The following SMAD4 variants were observed in gnomAD, a reference collection of about 807,000 sequenced individuals.
SMAD4 encodes the protein SMAD family member 4, also known as MAD homolog 4.
A neutral mutation model predicts 63.2 loss-of-function variants in SMAD4; 7 were observed. That is an observed-to-expected ratio of 0.11 (90% CI 0.06 to 0.21). The LOEUF (loss-of-function observed/expected upper bound fraction) is 0.21. Ranked by LOEUF, SMAD4 falls within the 10% of genes least tolerant of loss-of-function variation. SMAD4 has a pLI of 1.00. For missense variants in SMAD4, 312 were observed against 693.8 expected, an observed-to-expected ratio of 0.45 and a Z score of 6.18; for synonymous variants, 215 against 235.4, an observed-to-expected ratio of 0.91 and a Z score of 0.79.
chr18:51,034,879 C>T (rs2144376512), intron 1 of SMAD4, among the ~76,000 whole-genome samples: 1 of 152,272 alleles, frequency 6.6e-6, no homozygotes, highest in Admixed American at 6.5e-5. Flanking sequence ...CTTTTAGATC[C>T]CTTGAGGAGC....
chr18:51,061,179 G>GT (rs1199913380), intron 8 of SMAD4, among the ~76,000 whole-genome samples: 18 of 152,230 alleles, frequency 1.2e-4, no homozygotes, highest in African/African-American at 4.3e-4. Flanking sequence ...GGAAGATGGG[G>GT]TATACATCCC....
rs75584400 is a variant in SMAD4 at position 51,059,374 on chromosome 18, G to T, written c.905-492G>T. On this transcript the variant is annotated intron_variant, in intron 7 of 11. Coordinates refer to ENST00000342988, the MANE Select transcript of SMAD4 (RefSeq NM_005359.6). ...ATAATAGTAGTATCTACCTCAAGGG[G>T]TGTTCGTAAGAAGTAAACGTAATAA... 1.6e-3 allele frequency among the ~76,000 whole-genome samples: 248 copies of T among 152,308 alleles called. 8 individuals carry two copies. In the East Asian group the frequency reaches 0.043, roughly 26 times the overall value.
At chr18:51,066,679 A>C (rs529014800) in intron 9 of SMAD4, 48 of 233,856 alleles carry the variant, frequency 2.1e-4, no homozygotes, top group African/African-American at 1.1e-3. Context: ...AATTTAATTT[A>C]AATAGTCACA....
In SMAD4 at chr18:51,083,557, T is replaced by A. The variant is rs1910662856; in HGVS notation, c.*5090T>A. ...GTGGATACTTTTCACACCGTTTATT[T>A]AAATGCTTTCTCAATAGGTCCAGAG... On this transcript the variant is annotated 3_prime_UTR_variant, in exon 12 of 12. Coordinates refer to ENST00000342988, the MANE Select transcript of SMAD4 (RefSeq NM_005359.6). 2 of 228,718 alleles carry A rather than the reference T, an allele frequency of 8.7e-6. No individual in the cohort carries two copies. The highest frequency in any genetic ancestry group is 4.4e-5 in the African/African-American group (2 of 45,228). 14.2% of individuals were successfully genotyped at this position (228,718 alleles called of 1,614,324 possible).
At chr18:51,062,153 T>C (rs192873202) in intron 8 of SMAD4, among the ~76,000 whole-genome samples, 1 of 152,220 alleles carries the variant, frequency 6.6e-6, no homozygotes, top group Non-Finnish European at 1.5e-5. Context: ...TTTAACGATA[T>C]ATATTTATTA....
At position 51,059,798 on chromosome 18, in the gene SMAD4, T is replaced by C. The variant is rs573450849; in HGVS notation, c.905-68T>C. On this transcript the variant is annotated intron_variant, in intron 7 of 11. Transcript: ENST00000342988. ...ATAATAGTTATATTTAAGTAAGATTTACTGAAAGTTTTAGCATTAGACAAC... is the reference window on the plus strand; with the variant it reads ...ATAATAGTTATATTTAAGTAAGATTCACTGAAAGTTTTAGCATTAGACAAC... The C allele has an allele frequency of 3.9e-5, 44 of 1,142,440 alleles. No homozygotes were observed. The East Asian group carries it at 1.0e-3, about 26-fold the overall frequency. 70.8% of individuals were successfully genotyped at this position (1,142,440 alleles called of 1,614,324 possible).
At chr18:51,065,118 G>C (rs895870614) in intron 8 of SMAD4, among the ~76,000 whole-genome samples, 3 of 151,900 alleles carry the variant, frequency 2.0e-5, no homozygotes, top group African/African-American at 7.3e-5. Context: ...GTCCTTTGAG[G>C]TAAGAACCAA....
At chr18:51,055,113 T>G in intron 5 of SMAD4, 120 bp downstream of exon 5, 1 of 779,034 alleles carries the variant, frequency 1.3e-6, no homozygotes. Flanking sequence ...TGTAGTATCT[T>G]TCATAGGTAA....
At chr18:51,035,698 C>T (rs1483301372) in intron 1 of SMAD4, among the ~76,000 whole-genome samples, 1 of 152,164 alleles carries the variant, frequency 6.6e-6, no homozygotes, top group African/African-American at 2.4e-5. Flanking sequence ...GACATTTGCT[C>T]AGCTAGGCCA....
rs1910535561 is a variant in SMAD4, at chr18:51,078,746, G to T, written c.*279G>T. On this transcript the variant is annotated 3_prime_UTR_variant, in exon 12 of 12. Coordinates refer to ENST00000342988, the MANE Select transcript of SMAD4 (RefSeq NM_005359.6). The stretch of plus-strand genomic sequence containing the variant: ...TGTTATGTATGAAGGAATCATTCCA[G>T]TGCTAGAAAATTTAGCCCTTTAAAA... 7.2e-6 allele frequency: 3 copies of T among 413,932 alleles called. No homozygotes were observed. Among genetic ancestry groups the T allele is most frequent in the Non-Finnish European group, 1.3e-5 (3 of 230,278 alleles). The allele number at this position is 413,932 out of a possible 1,614,324, so 25.6% of individuals were successfully genotyped here.
At chr18:51,031,919 C>A (rs1043709179) in intron 1 of SMAD4, among the ~76,000 whole-genome samples, 3 of 151,948 alleles carry the variant, frequency 2.0e-5, no homozygotes, top group Admixed American at 2.0e-4. Flanking sequence ...CTTACTCTCT[C>A]TATATTGGAA....
intron 1 of SMAD4, among the ~76,000 whole-genome samples, chr18:51,034,788 G>A (rs900959309): frequency 6.0e-5 from 9 of 149,280 alleles, no homozygotes; most frequent in Non-Finnish European, 1.0e-4. Context: ...TCAAGTGATC[G>A]TCCCACCTCG....
intron 10 of SMAD4, among the ~76,000 whole-genome samples, chr18:51,068,670 G>A (rs1274757357): frequency 6.6e-6 from 1 of 152,154 alleles, no homozygotes; most frequent in Non-Finnish European, 1.5e-5. Context: ...TGTAATCTTA[G>A]CACTTTCGGA....
chr18:51,062,854 T>G (rs1362997191), intron 8 of SMAD4, among the ~76,000 whole-genome samples: 1 of 122,304 alleles, frequency 8.2e-6, no homozygotes, highest in African/African-American at 3.2e-5. Flanking sequence ...TTTACTTGTT[T>G]TTTTTTTTTT....
intron 8 of SMAD4, among the ~76,000 whole-genome samples, chr18:51,063,122 G>T (rs1183153665): frequency 6.6e-6 from 1 of 151,942 alleles, no homozygotes; most frequent in Admixed American, 6.6e-5. Context: ...AAAGTGCTGG[G>T]ATTACAGGCG....
chr18:51,032,355 C>A (rs926179158), intron 1 of SMAD4, among the ~76,000 whole-genome samples: 1 of 151,618 alleles, frequency 6.6e-6, no homozygotes, highest in Non-Finnish European at 1.5e-5. Context: ...TTAGAAAAAA[C>A]CAAACTGCAA....
At position 51,083,480 on chromosome 18, in the gene SMAD4, A is replaced by C. The variant is rs1910659606; in HGVS notation, c.*5013A>C. On this transcript the variant is annotated 3_prime_UTR_variant, in exon 12 of 12. Coordinates refer to ENST00000342988, the MANE Select transcript of SMAD4 (RefSeq NM_005359.6). ...TTTTCTGTTTTTTTTTTTCTAATGT[A>C]GTAAGGACTAAGGAAAACCTTTGGT... The C allele has an allele frequency of 4.5e-6, 1 of 223,388 alleles. No individual in the cohort carries two copies. Among genetic ancestry groups the C allele is most frequent in the South Asian group, 1.8e-4 (1 of 5,428 alleles). 13.8% of individuals were successfully genotyped at this position (223,388 alleles called of 1,614,324 possible). A position where few individuals can be genotyped will look rare whatever the true frequency, so the allele number is the denominator to read the frequency against.
chr18:51,083,529 G>A lies in SMAD4; in HGVS notation c.*5062G>A, dbSNP rs571200212. ...GTGAAGACAATCATTTCTCTCTGTT[G>A]ATGTGGATACTTTTCACACCGTTTA... On this transcript the variant is annotated 3_prime_UTR_variant, in exon 12 of 12. Coordinates refer to ENST00000342988, the MANE Select transcript of SMAD4 (RefSeq NM_005359.6). 1 of 224,372 alleles carries A rather than the reference G, an allele frequency of 4.5e-6. No homozygotes were observed. Among genetic ancestry groups the A allele is most frequent in the South Asian group, 1.8e-4 (1 of 5,438 alleles). 13.9% of individuals were successfully genotyped at this position (224,372 alleles called of 1,614,324 possible).
rs887132470 is a variant in SMAD4 at position 51,036,799 on chromosome 18, A to AT, written c.-128+6180dup. Among the ~76,000 whole-genome samples, 46 of 152,192 alleles carry AT rather than the reference A, an allele frequency of 3.0e-4. 1 individual carries two copies. The highest frequency in any genetic ancestry group is 1.0e-3 in the African/African-American group (43 of 41,514). On this transcript the variant is annotated intron_variant, in intron 1 of 11. Coordinates refer to ENST00000342988, the MANE Select transcript of SMAD4 (RefSeq NM_005359.6). ...GTGGAGCTGGCCTAACCTGCGGGGG[A>AT]TTTTGATACATCCCCCTTTGAAGGA...
Sources: allele counts gnomAD v4.1 joint callset (sites outside exome capture counted in the v4.1 genomes callset), GRCh38; gene constraint gnomAD v4.1.1; transcripts MANE v1.5; gene names NCBI Gene and HGNC (gene_info 2026-07-23, HGNC 2026-07-21).